MAPK7: variants seen among roughly 807,000 people sequenced by gnomAD.
MAPK7 encodes the protein mitogen-activated protein kinase 7, also known as BMK-1.
A neutral mutation model predicts 56.9 loss-of-function variants in MAPK7; 30 were observed. The observed-to-expected ratio is 0.53, with a 90% CI of 0.39 to 0.72. The LOEUF (loss-of-function observed/expected upper bound fraction) is 0.72, where lower values mean the gene tolerates loss of function less well. Ranked by LOEUF, MAPK7 falls within the 30% of genes least tolerant of loss-of-function variation. MAPK7 has a pLI of 0.00. For synonymous variants in MAPK7, 516 were observed against 449.3 expected (o/e 1.15, Z -1.88); for missense variants, 952 against 1,110.8 (o/e 0.86, Z 2.03).
chr17:19,377,957 A>G (rs763830604), upstream of MAPK7: 330 of 985,246 alleles, frequency 3.3e-4, no homozygotes, highest in Non-Finnish European at 3.9e-4. Context: ...CGGACGCTCT[A>G]GAATCCCGGA....
In MAPK7 at chr17:19,380,983, G is replaced by T. The variant is rs763250948; in HGVS notation, c.774G>T (p.Arg258=). 7 of 1,614,200 alleles carry T rather than the reference G, an allele frequency of 4.3e-6. No homozygotes were observed. Among genetic ancestry groups the T allele is most frequent in the Non-Finnish European group, 5.9e-6 (7 of 1,180,046 alleles). Reference sequence around the variant, plus strand: ...GCATCTTTGGTGAGATGCTGGCCCGGCGCCAGCTCTTCCCAGGCAAAAACT... The same window carrying T: ...GCATCTTTGGTGAGATGCTGGCCCGTCGCCAGCTCTTCCCAGGCAAAAACT... ...VGCIFGEMLA[R]RQLFPGKNYV... is the part of the protein sequence containing the mutation. Residue 258 remains arginine (R), a synonymous_variant, in exon 4 of 7, where the codon CGG becomes CGT. Coordinates refer to ENST00000395604, the MANE Select transcript of MAPK7 (RefSeq NM_002749.4).
Position 19,381,794 on chromosome 17 carries a change from A to AC in MAPK7, c.1495dup (p.Leu499ProfsTer5). On this transcript the variant is annotated frameshift_variant, in exon 5 of 7. Coordinates refer to ENST00000395604, the MANE Select transcript of MAPK7 (RefSeq NM_002749.4). LOFTEE classifies it high-confidence loss of function. The surrounding 1 kb of genome is among the most constrained non-coding windows in gnomAD (Gnocchi z 4.6). ...ACTTCCCCGCAGATGGCCCCAGCGCACCCCTGGAGGCTCCTGAGCCTCGGA... is the reference window on the plus strand; with the variant it reads ...ACTTCCCCGCAGATGGCCCCAGCGCACCCCCTGGAGGCTCCTGAGCCTCGGA... The AC allele has an allele frequency of 6.5e-7, 1 of 1,542,984 alleles. No homozygotes were observed. Among genetic ancestry groups the AC allele is most frequent in the Non-Finnish European group, 8.7e-7 (1 of 1,148,054 alleles).
chr17:19,382,097 C>A lies in MAPK7; in HGVS notation c.1794C>A (p.Thr598=), dbSNP rs749615280. The A allele has an allele frequency of 6.2e-7, 1 of 1,611,004 alleles. No individual in the cohort carries two copies. Among genetic ancestry groups the A allele is most frequent in the Non-Finnish European group, 8.5e-7 (1 of 1,179,150 alleles). The change falls in exon 5 of 7, where the codon ACC becomes ACA. Residue 598 remains threonine, a synonymous_variant. Coordinates refer to ENST00000395604, the MANE Select transcript of MAPK7 (RefSeq NM_002749.4). ...APAPAPTPTP[T]PVQPTSPPPG... ...CCCCAGCGCCAACGCCAACCCCAAC[C>A]CCAGTCCAACCTACCAGTCCTCCTC...
At chr17:19,380,572 G>A in intron 3 of MAPK7, 36 bp from the exon 4 acceptor site, 1 of 1,562,522 alleles carries the variant, frequency 6.4e-7, no homozygotes, top group Non-Finnish European at 8.7e-7. Flanking sequence ...GTGTGATCAG[G>A]CCAACCCATG....
rs1912683897 is a variant in MAPK7, at chr17:19,381,682, CAG to C, written c.1476_1477del (p.Asp493TrpfsTer10). On this transcript the variant is annotated frameshift_variant and splice_region_variant, in exon 4 of 7. Transcript: ENST00000395604. LOFTEE classifies it high-confidence loss of function. This position sits in a 1 kb window ranked among gnomAD's most constrained non-coding sequence, Gnocchi z 4.6. ...TGCTCAAGTCTTTGAGGAGCCGGCTCAGAGGTGCCTTGTGGGCAGGTCGGGTG... is the reference window on the plus strand; with the variant it reads ...TGCTCAAGTCTTTGAGGAGCCGGCTCAGGTGCCTTGTGGGCAGGTCGGGTG... ...ALLKSLRSRL[R>X]DGPSAPLEAP... is the part of the protein sequence containing the mutation. The C allele has an allele frequency of 6.3e-7, 1 of 1,584,918 alleles. No individual in the cohort carries two copies. The highest frequency in any genetic ancestry group is 8.6e-7 in the Non-Finnish European group (1 of 1,165,314).
chr17:19,382,985 G>A, intron 6 of MAPK7, 39 bp downstream of exon 6: 1 of 1,613,672 alleles, frequency 6.2e-7, no homozygotes, highest in Non-Finnish European at 8.5e-7. Context: ...TGGGACTGTG[G>A]GGAGAGGTTC....
Position 19,382,247 on chromosome 17 carries a change from C to T in MAPK7, c.1944C>T (p.Pro648=). The T allele has an allele frequency of 6.2e-7, 1 of 1,612,120 alleles. No individual in the cohort carries two copies. Among genetic ancestry groups the T allele is most frequent in the South Asian group, 1.1e-5 (1 of 91,038 alleles). Residue 648 remains proline (P), a synonymous_variant, in exon 5 of 7, where the codon CCC becomes CCT. Coordinates refer to ENST00000395604, the MANE Select transcript of MAPK7 (RefSeq NM_002749.4). ...PAPHPTGPPG[P]IPVPAPPQIA... ...CCCACCCCACTGGCCCTCCTGGGCC[C>T]ATCCCTGTCCCCGCGCCACCCCAGA...
Position 19,378,631 on chromosome 17 carries a change from G to A in MAPK7, c.-6+1G>A, listed in dbSNP as rs1048234424. 21 of 1,347,234 alleles carry A rather than the reference G, an allele frequency of 1.6e-5. No homozygotes were observed. Among genetic ancestry groups the A allele is most frequent in the Admixed American group, 1.0e-4 (3 of 28,580 alleles). 83.5% of individuals were successfully genotyped at this position (1,347,234 alleles called of 1,614,324 possible). On this transcript the variant is annotated splice_donor_variant, in intron 1 of 6. Transcript: ENST00000395604. LOFTEE classifies it low-confidence loss of function (5UTR_SPLICE). The surrounding 1 kb of genome is among the most constrained non-coding windows in gnomAD (Gnocchi z 5.4). ...CTGAAAGCCTTGAGGAGGCGCGGGG[G>A]TGAGTGCGGCCCTGAGGAAACCCAG...
At position 19,380,794 on chromosome 17, in the gene MAPK7, G is replaced by C. The variant is rs1235506220; in HGVS notation, c.585G>C (p.Glu195Asp). ...ACCTATTGGTGAATGAGAACTGTGAGCTCAAGATTGGTGACTTTGGTATGG... is the reference window on the plus strand; with the variant it reads ...ACCTATTGGTGAATGAGAACTGTGACCTCAAGATTGGTGACTTTGGTATGG... ...PSNLLVNENC[E>D]LKIGDFGMAR... The change falls in exon 4 of 7, where the codon GAG becomes GAC. Residue 195 changes from glutamate (E) to aspartate (D), a missense_variant. Glu to Asp is a conservative substitution (Grantham distance 45). Around this residue, in one of 5 missense-constraint regions of MAPK7, gnomAD observed 429 missense variants for 533.0 expected, o/e 0.80. Transcript: ENST00000395604. 1 of 1,613,386 alleles carries C rather than the reference G, an allele frequency of 6.2e-7. No homozygotes were observed. Among genetic ancestry groups the C allele is most frequent in the Non-Finnish European group, 8.5e-7 (1 of 1,179,386 alleles).
rs781032290 is a variant in MAPK7, at chr17:19,382,873, G to A, written c.2224G>A (p.Gly742Ser). Residue 742 changes from glycine to serine, a missense_variant, in exon 6 of 7, where the codon GGT becomes AGT. Coordinates refer to ENST00000395604, the MANE Select transcript of MAPK7 (RefSeq NM_002749.4). ...GTPKGSGAGY[G>S]VGFDLEEFLN... Reference sequence around the variant, plus strand: ...ACCAAAGGGCAGTGGGGCTGGCTACGGTGTTGGCTTTGACCTGGAGGAATT... The same window carrying A: ...ACCAAAGGGCAGTGGGGCTGGCTACAGTGTTGGCTTTGACCTGGAGGAATT... 2 of 1,614,240 alleles carry A rather than the reference G, an allele frequency of 1.2e-6. No individual in the cohort carries two copies. The highest frequency in any genetic ancestry group is 1.7e-6 in the Non-Finnish European group (2 of 1,180,034).
rs1912867326 is a variant in MAPK7 at position 19,383,116 on chromosome 17, C to A, written c.2336C>A (p.Ala779Asp). ...GCCTCTCTCTCAGCCTCCCTGCTTG[C>A]TGACTGGCTCGAAGGCCATGGCATG... ...DSASLSASLL[A>D]DWLEGHGMNP... The change falls in exon 7 of 7, where the codon GCT (alanine) becomes GAT (aspartate). Residue 779 changes from alanine (A) to aspartate (D), a missense_variant. Around this residue, in one of 5 missense-constraint regions of MAPK7, gnomAD observed 73 missense variants for 104.6 expected, o/e 0.70. Coordinates refer to ENST00000395604, the MANE Select transcript of MAPK7 (RefSeq NM_002749.4). The A allele has an allele frequency of 1.9e-6, 3 of 1,614,174 alleles. No homozygotes were observed. The highest frequency in any genetic ancestry group is 2.5e-6 in the Non-Finnish European group (3 of 1,180,036).
Position 19,379,926 on chromosome 17 carries a change from C to A in MAPK7, c.377C>A (p.Pro126His). 1 of 1,614,060 alleles carries A rather than the reference C, an allele frequency of 6.2e-7. No individual in the cohort carries two copies. Among genetic ancestry groups the A allele is most frequent in the South Asian group, 1.1e-5 (1 of 91,062 alleles). The change falls in exon 3 of 7, where the codon CCC becomes CAC. Residue 126 changes from proline to histidine, a missense_variant. Physicochemically the swap from Pro to His is moderately conservative, Grantham distance 77. Transcript: ENST00000395604. ...AAGGACATCCTGAGGCCCACCGTGCCCTATGGCGAATTCAAATCTGTGTAA... is the reference window on the plus strand; with the variant it reads ...AAGGACATCCTGAGGCCCACCGTGCACTATGGCGAATTCAAATCTGTGTAA... ...AIKDILRPTV[P>H]YGEFKSVYVV...
Position 19,383,335 on chromosome 17 carries a change from G to A in MAPK7, c.*104G>A, listed in dbSNP as rs550586656. On this transcript the variant is annotated 3_prime_UTR_variant, in exon 7 of 7. Transcript: ENST00000395604. ...GGACCCAGCAGGTGAGGCTCGGCTT[G>A]GATTATTCTGCAGGTTCATCTCAGA... 9.0e-5 allele frequency: 117 copies of A among 1,307,024 alleles called. No individual in the cohort carries two copies. In the African/African-American group the frequency reaches 1.6e-3, roughly 17 times the overall value. 81.0% of individuals were successfully genotyped at this position (1,307,024 alleles called of 1,614,324 possible). A position where few individuals can be genotyped will look rare whatever the true frequency, so the allele number is the denominator to read the frequency against.
At chr17:19,378,242 G>T (rs1912267732), upstream of MAPK7, 2 of 985,738 alleles carry the variant, frequency 2.0e-6, no homozygotes, top group South Asian at 4.6e-5. The surrounding 1 kb of genome is among the most constrained non-coding windows in gnomAD (Gnocchi z 5.4). Flanking sequence ...TTCACTTGGC[G>T]CCCGACTGCC....
Position 19,381,965 on chromosome 17 carries a change from C to T in MAPK7, c.1662C>T (p.Asp554=), listed in dbSNP as rs1366104718. Reference sequence around the variant, plus strand: ...GGGCCTCTGGGGGCCCCTCCACTGACCCCTTGGCTGGACTAGTGCTCAGTG... The same window carrying T: ...GGGCCTCTGGGGGCCCCTCCACTGATCCCTTGGCTGGACTAGTGCTCAGTG... ...GAGASGGPST[D]PLAGLVLSDN... is the part of the protein sequence containing the mutation. Residue 554 remains aspartate, a synonymous_variant, in exon 5 of 7, where the codon GAC becomes GAT. Transcript: ENST00000395604. The surrounding 1 kb of genome is among the most constrained non-coding windows in gnomAD (Gnocchi z 4.6). The T allele has an allele frequency of 6.4e-7, 1 of 1,551,746 alleles. No homozygotes were observed. Among genetic ancestry groups the T allele is most frequent in the Admixed American group, 2.0e-5 (1 of 51,008 alleles).
upstream of MAPK7, chr17:19,378,346 A>G (rs971597023): frequency 3.0e-6 from 3 of 988,758 alleles, no homozygotes; most frequent in Non-Finnish European, 3.6e-6. This position sits in a 1 kb window ranked among gnomAD's most constrained non-coding sequence, Gnocchi z 5.4. Flanking sequence ...CGAGCTGGAC[A>G]GCGGCGCGCG....
chr17:19,382,918 A>G lies in MAPK7; in HGVS notation c.2269A>G (p.Met757Val). The change falls in exon 6 of 7, where the codon ATG becomes GTG. Residue 757 changes from methionine to valine, a missense_variant. By Grantham distance (21) the Met-to-Val change is conservative. Transcript: ENST00000395604. ...LEEFLNQSFDMGVADGPQDGQ... is the reference protein window; with the variant it reads ...LEEFLNQSFDVGVADGPQDGQ... The stretch of plus-strand genomic sequence containing the variant: ...GGAATTCTTAAACCAGTCTTTCGAC[A>G]TGGGCGTGGCTGATGGGCCACAGGA... 2 of 1,614,224 alleles carry G rather than the reference A, an allele frequency of 1.2e-6. No homozygotes were observed. Among genetic ancestry groups the G allele is most frequent in the Non-Finnish European group, 1.7e-6 (2 of 1,180,038 alleles).
Position 19,382,391 on chromosome 17 carries a change from C to T in MAPK7, c.2088C>T (p.Ala696=), listed in dbSNP as rs760525418. The T allele has an allele frequency of 9.0e-5, 145 of 1,613,180 alleles. No homozygotes were observed. The highest frequency in any genetic ancestry group is 8.0e-5 in the African/African-American group (6 of 74,958). ...CACCTGGCCTGCCGCCCCCAGACGC[C>T]GGGGGAGCCCCTCAGTCTTCCATGT... ...YFPPGLPPPD[A]GGAPQSSMSE... is the part of the protein sequence containing the mutation. Residue 696 remains alanine, a synonymous_variant, in exon 5 of 7, where the codon GCC becomes GCT. Coordinates refer to ENST00000395604, the MANE Select transcript of MAPK7 (RefSeq NM_002749.4).
intron 3 of MAPK7, 111 bp from the exon 4 acceptor site, chr17:19,380,497 C>T: frequency 6.8e-7 from 1 of 1,481,140 alleles, no homozygotes; most frequent in Non-Finnish European, 8.9e-7. Flanking sequence ...CTATGGGGTC[C>T]CAGGGTAAGG....
Sources: allele counts gnomAD v4.1 joint callset, GRCh38; gene constraint gnomAD v4.1.1; regional missense constraint gnomAD v4.1.1; non-coding constraint Gnocchi (gnomAD v3.1); transcripts MANE v1.5; gene names NCBI Gene and HGNC (gene_info 2026-07-23, HGNC 2026-07-21).